VPS26A: variants seen among roughly 807,000 people sequenced by gnomAD.
The protein encoded by VPS26A is VPS26 retromer complex component A, also known as vacuolar protein sorting-associated protein 26A.
A neutral mutation model predicts 42.4 loss-of-function variants in VPS26A; 22 were observed. The observed-to-expected ratio is 0.52, with a 90% CI of 0.37 to 0.74. The LOEUF (loss-of-function observed/expected upper bound fraction) is 0.74. Ranked by LOEUF, VPS26A falls within the 30% of genes least tolerant of loss-of-function variation. The pLI is 0.00. For synonymous variants in VPS26A, 110 were observed against 123.5 expected, an observed-to-expected ratio of 0.89 and a Z score of 0.73; for missense variants, 276 against 379.2, an observed-to-expected ratio of 0.73 and a Z score of 2.26.
intron 2 of VPS26A, 23 bp from the exon 3 acceptor site, chr10:69,155,789 C>G (rs1317965575): frequency 6.3e-7 from 1 of 1,598,766 alleles, no homozygotes; most frequent in Non-Finnish European, 8.6e-7. Flanking sequence ...GTTAACATCT[C>G]TTATAATTTC....
chr10:69,165,395 T>A (rs999373968), intron 6 of VPS26A, among the ~76,000 whole-genome samples: 4 of 152,206 alleles, frequency 2.6e-5, no homozygotes, highest in Non-Finnish European at 4.4e-5. Context: ...CCTGAGAACA[T>A]GTACCCCCAT....
chr10:69,132,837 A>G, intron 1 of VPS26A, 61 bp from the exon 2 acceptor site: 1 of 1,483,690 alleles, frequency 6.7e-7, no homozygotes, highest in Non-Finnish European at 9.0e-7. Context: ...ATTAAATTCA[A>G]ATTATAAAAT....
chr10:69,141,057 G>T (rs1016533716), intron 2 of VPS26A, among the ~76,000 whole-genome samples: 2 of 152,180 alleles, frequency 1.3e-5, no homozygotes, highest in Non-Finnish European at 2.9e-5. Context: ...TGTCTAGTTG[G>T]TCCATCTGTT....
chr10:69,142,939 T>C (rs1378337555), intron 2 of VPS26A, among the ~76,000 whole-genome samples: 1 of 152,174 alleles, frequency 6.6e-6, no homozygotes, highest in Non-Finnish European at 1.5e-5. Context: ...AGGAGTCCTT[T>C]AGTAATTGTG....
At chr10:69,156,964 G>T in intron 3 of VPS26A, 43 bp from the exon 4 acceptor site, 1 of 1,519,564 alleles carries the variant, frequency 6.6e-7, no homozygotes, top group Non-Finnish European at 8.9e-7. Flanking sequence ...TTATTGAAAT[G>T]GCTATTAAAT....
chr10:69,128,451 C>T (rs1188266797), intron 1 of VPS26A, among the ~76,000 whole-genome samples: 5 of 151,742 alleles, frequency 3.3e-5, no homozygotes, highest in Middle Eastern at 3.4e-3. Flanking sequence ...AGGATGGTCT[C>T]GATCTCCTGA....
intron 5 of VPS26A, among the ~76,000 whole-genome samples, chr10:69,160,539 C>T (rs1841536395): frequency 6.6e-6 from 1 of 151,468 alleles, no homozygotes; most frequent in African/African-American, 2.4e-5. Context: ...GCAACCTCTA[C>T]CTCCTGAGTT....
At chr10:69,155,037 C>T (rs914096342) in intron 2 of VPS26A, among the ~76,000 whole-genome samples, 4 of 151,802 alleles carry the variant, frequency 2.6e-5, no homozygotes, top group Admixed American at 2.6e-4. Context: ...GTACTTCTAG[C>T]ACTTTGGGAG....
chr10:69,144,039 T>A (rs996261650), intron 2 of VPS26A, among the ~76,000 whole-genome samples: 1 of 152,168 alleles, frequency 6.6e-6, no homozygotes. Flanking sequence ...CATAACTATA[T>A]AGAAAACTGG....
chr10:69,144,186 C>G (rs1258538886), intron 2 of VPS26A, among the ~76,000 whole-genome samples: 1 of 152,204 alleles, frequency 6.6e-6, no homozygotes, highest in Non-Finnish European at 1.5e-5. Flanking sequence ...CCCAGCCCCA[C>G]ATGGATTCAC....
chr10:69,156,211 T>G (rs903851276), intron 3 of VPS26A, among the ~76,000 whole-genome samples: 4 of 151,780 alleles, frequency 2.6e-5, no homozygotes, highest in African/African-American at 9.7e-5. Flanking sequence ...CTCACCTTCA[T>G]TCTTCATTTT....
At chr10:69,151,451 C>CAAAAAAAA (rs150296063) in intron 2 of VPS26A, among the ~76,000 whole-genome samples, 1 of 105,480 alleles carries the variant, frequency 9.5e-6, no homozygotes, top group Non-Finnish European at 1.9e-5. Context: ...GACTCCGTCT[C>CAAAAAAAA]AAAAAAAAAA....
At chr10:69,169,724 T>C (rs1157012878) in intron 8 of VPS26A, among the ~76,000 whole-genome samples, 1 of 152,012 alleles carries the variant, frequency 6.6e-6, no homozygotes. Flanking sequence ...TTCTTCCGCC[T>C]CAGCCTCCCG....
intron 2 of VPS26A, among the ~76,000 whole-genome samples, chr10:69,151,268 A>AAAAAAAAAAAACAAAAC (rs1841301361): frequency 1.5e-5 from 1 of 68,786 alleles, no homozygotes; most frequent in Non-Finnish European, 4.0e-5. Flanking sequence ...CCATGTCAAA[A>AAAAAAAAAAAACAAAAC]AAAAAAAAAA....
At position 69,155,831 on chromosome 10, in the gene VPS26A, A is replaced by C; in HGVS notation, c.173A>C (p.Gln58Pro). 1 of 1,612,494 alleles carries C rather than the reference A, an allele frequency of 6.2e-7. No individual in the cohort carries two copies. The highest frequency in any genetic ancestry group is 8.5e-7 in the Non-Finnish European group (1 of 1,179,158). Residue 58 changes from glutamine to proline, a missense_variant, in exon 3 of 9, where the codon CAA (glutamine) becomes CCA (proline). Physicochemically the swap from Gln to Pro is moderately conservative, Grantham distance 76 (BLOSUM62 -1). Transcript: ENST00000263559. ...VSGKVNLAFK[Q>P]PGKRLEHQGI... ...TGGCAGGTAAACCTAGCCTTTAAGCAACCTGGAAAGAGGCTAGAACACCAA... is the reference window on the plus strand; with the variant it reads ...TGGCAGGTAAACCTAGCCTTTAAGCCACCTGGAAAGAGGCTAGAACACCAA...
At chr10:69,129,107 T>C (rs1156746493) in intron 1 of VPS26A, among the ~76,000 whole-genome samples, 2 of 152,154 alleles carry the variant, frequency 1.3e-5, no homozygotes, top group Non-Finnish European at 2.9e-5. Context: ...CTCATTCTTA[T>C]TGCTCTCTCT....
At chr10:69,154,532 G>A (rs1031075213) in intron 2 of VPS26A, among the ~76,000 whole-genome samples, 4 of 151,380 alleles carry the variant, frequency 2.6e-5, no homozygotes, top group Admixed American at 6.6e-5. Flanking sequence ...GCGAAACTCC[G>A]TCTAAAACAA....
intron 2 of VPS26A, 108 bp downstream of exon 2, chr10:69,133,155 T>C (rs1840824921): frequency 1.1e-5 from 11 of 1,032,044 alleles, no homozygotes; most frequent in Admixed American, 3.4e-5. Flanking sequence ...GGGAGAGAGA[T>C]TTTTTTTTCC....
chr10:69,138,938 T>G (rs1840981416), intron 2 of VPS26A, among the ~76,000 whole-genome samples: 1 of 152,142 alleles, frequency 6.6e-6, no homozygotes, highest in South Asian at 2.1e-4. Context: ...TAAAAAAAAT[T>G]TAGCATTTGC....
Sources: allele counts gnomAD v4.1 joint callset (sites outside exome capture counted in the v4.1 genomes callset), GRCh38; gene constraint gnomAD v4.1.1; transcripts MANE v1.5; gene names NCBI Gene and HGNC (gene_info 2026-07-23, HGNC 2026-07-21).